ATCAY: variants seen among roughly 807,000 people sequenced by gnomAD.
The protein encoded by ATCAY is caytaxin.
Under a neutral mutation model 47.7 loss-of-function variants are expected in ATCAY, and 22 were observed. That is an observed-to-expected ratio of 0.46 (90% CI 0.33 to 0.66). The LOEUF (loss-of-function observed/expected upper bound fraction) is 0.66, where lower values mean the gene tolerates loss of function less well. Among genes scored for constraint, ATCAY ranks in the 30% least tolerant of loss-of-function variants. The probability of loss-of-function intolerance (pLI) is 0.02; values close to 1 mark genes in which losing one functional copy is unlikely to be tolerated. For missense variants in ATCAY, 452 were observed against 515.0 expected (o/e 0.88, Z 1.18); for synonymous variants, 216 against 207.6 (o/e 1.04, Z -0.35).
At chr19:3,888,987 C>T (rs2038689725) in intron 2 of ATCAY, among the ~76,000 whole-genome samples, 2 of 152,068 alleles carry the variant, frequency 1.3e-5, no homozygotes, top group African/African-American at 2.4e-5. Flanking sequence ...CAGAGAATCA[C>T]GGCTGGGAGC....
intron 2 of ATCAY, among the ~76,000 whole-genome samples, chr19:3,887,579 C>T (rs907434281): frequency 1.0e-3 from 151 of 151,354 alleles, no homozygotes; most frequent in Admixed American, 2.3e-3. Context: ...CTCCGCCTCC[C>T]GGGTTCACGC....
chr19:3,922,108 TAG>T, intron 12 of ATCAY: 1 of 701,800 alleles, frequency 1.4e-6, no homozygotes, highest in Non-Finnish European at 2.6e-6. Context: ...AGGGTGTTTA[TAG>T]AGAGTCAACT....
At chr19:3,882,897 T>A (rs749800109) in intron 1 of ATCAY, among the ~76,000 whole-genome samples, 5 of 151,962 alleles carry the variant, frequency 3.3e-5, no homozygotes, top group Non-Finnish European at 7.4e-5. Flanking sequence ...TCCTCCCACC[T>A]CAGCCTCCTG....
intron 2 of ATCAY, among the ~76,000 whole-genome samples, chr19:3,894,280 C>G (rs890615001): frequency 1.3e-5 from 2 of 151,776 alleles, no homozygotes; most frequent in Non-Finnish European, 2.9e-5. Flanking sequence ...GTCAGGAGAT[C>G]GAGACCATCC....
At chr19:3,908,711 T>TCCC (rs2038890922) in intron 6 of ATCAY, among the ~76,000 whole-genome samples, 1 of 74,022 alleles carries the variant, frequency 1.4e-5, no homozygotes, top group Non-Finnish European at 2.6e-5. Flanking sequence ...CTCCTCCCTT[T>TCCC]TCTCCTCCTC....
At chr19:3,891,330 G>A (rs981095231) in intron 2 of ATCAY, among the ~76,000 whole-genome samples, 4 of 152,050 alleles carry the variant, frequency 2.6e-5, no homozygotes, top group Non-Finnish European at 5.9e-5. Flanking sequence ...GGGATTACAG[G>A]TGTGAGCCAC....
intron 2 of ATCAY, among the ~76,000 whole-genome samples, chr19:3,898,176 C>CTTTTT (rs546806262): frequency 5.4e-5 from 8 of 149,492 alleles, no homozygotes; most frequent in Non-Finnish European, 1.2e-4. Context: ...CTAAACATCT[C>CTTTTT]TTTTTTTTTT....
At chr19:3,885,967 C>A in intron 2 of ATCAY, 123 bp downstream of exon 2, 1 of 893,570 alleles carries the variant, frequency 1.1e-6, no homozygotes, top group Non-Finnish European at 1.8e-6. Context: ...GGTTCCATCT[C>A]CGCGTCCTCC....
intron 9 of ATCAY, among the ~76,000 whole-genome samples, chr19:3,916,456 T>G (rs772130227): frequency 2.0e-5 from 3 of 152,084 alleles, no homozygotes; most frequent in African/African-American, 7.3e-5. Flanking sequence ...GATAATTCTG[T>G]TTTTTTGAGG....
intron 2 of ATCAY, chr19:3,893,618 G>A (rs1250536748): frequency 2.6e-5 from 4 of 152,302 alleles, no homozygotes; most frequent in South Asian, 2.1e-4. Context: ...TGGAGCTTGC[G>A]GAAGTAACAG....
intron 3 of ATCAY, among the ~76,000 whole-genome samples, chr19:3,904,948 C>T (rs771422127): frequency 7.9e-5 from 12 of 152,292 alleles, no homozygotes; most frequent in Admixed American, 1.3e-4. Context: ...TAACCTCCGC[C>T]TCCTGGGCTC....
At chr19:3,923,436 ATGGATGGATGGATGGATGAG>A (rs1365381064) in intron 12 of ATCAY, among the ~76,000 whole-genome samples, 13 of 151,426 alleles carry the variant, frequency 8.6e-5, no homozygotes, top group Admixed American at 8.5e-4. Context: ...AGGTGGATAA[ATGGATGGATGGATGGATGAG>A]TGGATGGATG....
In ATCAY at chr19:3,885,920, G is replaced by C. The variant is rs74912608; in HGVS notation, c.77+76G>C. The C allele has an allele frequency of 5.6e-3, 8,253 of 1,472,152 alleles. 390 individuals are homozygous for C. In the African/African-American group the frequency reaches 0.1, roughly 18 times the overall value. The allele number at this position is 1,472,152 out of a possible 1,614,324, so 91.2% of individuals were successfully genotyped here. A position where few individuals can be genotyped will look rare whatever the true frequency, so the allele number is the denominator to read the frequency against. On this transcript the variant is annotated intron_variant, in intron 2 of 12. Coordinates refer to ENST00000450849, the MANE Select transcript of ATCAY (RefSeq NM_033064.5). ...CCAGGTGGGACACAGGAGCGGCCCG[G>C]GTCTCTCTCTAAGTGGGAACCGCCC...
chr19:3,913,924 A>C (rs2038943887), intron 9 of ATCAY, 68 bp downstream of exon 9: 1 of 1,411,446 alleles, frequency 7.1e-7, no homozygotes, highest in East Asian at 2.3e-5. Flanking sequence ...GACACACCTG[A>C]GACAGGGCAA....
intron 2 of ATCAY, chr19:3,895,288 C>G: frequency 8.9e-6 from 4 of 451,680 alleles, no homozygotes; most frequent in Non-Finnish European, 1.8e-5. Context: ...GATCTCAGCT[C>G]ACTGCAACCT....
chr19:3,885,670 C>T (rs777072643), intron 1 of ATCAY, 57 bp from the exon 2 acceptor site: 213 of 996,122 alleles, frequency 2.1e-4, no homozygotes, highest in African/African-American at 6.3e-4. Flanking sequence ...ATGGGGTAGA[C>T]GATTGTCATT....
At chr19:3,916,648 C>A (rs1446732194) in intron 9 of ATCAY, among the ~76,000 whole-genome samples, 1 of 152,102 alleles carries the variant, frequency 6.6e-6, no homozygotes, top group Non-Finnish European at 1.5e-5. Context: ...CGCCCACCAC[C>A]ACACCCAGAT....
At chr19:3,899,917 C>T (rs560923521) in intron 2 of ATCAY, among the ~76,000 whole-genome samples, 49 of 152,168 alleles carry the variant, frequency 3.2e-4, no homozygotes, top group African/African-American at 9.4e-4. Context: ...TGCTGTAATT[C>T]CAGCATTTCT....
intron 2 of ATCAY, among the ~76,000 whole-genome samples, chr19:3,898,785 G>A (rs1260202605): frequency 6.6e-6 from 1 of 152,056 alleles, no homozygotes. Context: ...AGGTTCAAGT[G>A]ATCCTCTTGC....
Sources: allele counts gnomAD v4.1 joint callset (sites outside exome capture counted in the v4.1 genomes callset), GRCh38; gene constraint gnomAD v4.1.1; transcripts MANE v1.5; gene names NCBI Gene and HGNC (gene_info 2026-07-23, HGNC 2026-07-21).